Variants in SET observed in about 807,000 individuals in gnomAD.
SET encodes the protein SET nuclear proto-oncogene, also known as protein SET.
A neutral mutation model predicts 39.0 loss-of-function variants in SET; 4 were observed. The observed-to-expected ratio is 0.10, with a 90% CI of 0.05 to 0.23. The LOEUF is 0.23. Ranked by LOEUF, SET falls within the 10% of genes least tolerant of loss-of-function variation. The pLI, the probability that SET is intolerant of heterozygous loss-of-function variation, is 1.00. For synonymous variants in SET, 114 were observed against 115.9 expected (o/e 0.98, Z 0.11); for missense variants, 137 against 329.7 (o/e 0.42, Z 4.53).
upstream of SET, among the ~76,000 whole-genome samples, chr9:128,687,843 G>A (rs972393997): frequency 2.6e-5 from 4 of 152,178 alleles, no homozygotes; most frequent in South Asian, 6.2e-4. Flanking sequence ...TCCTGCCTTG[G>A]CCTCCCAAAG....
chr9:128,695,987 T>G lies in SET; in HGVS notation c.*1323T>G, dbSNP rs192423121. The G allele has an allele frequency of 1.8e-5, 4 of 226,446 alleles. No individual in the cohort carries two copies. Among genetic ancestry groups the G allele is most frequent in the East Asian group, 1.2e-4 (2 of 16,140 alleles). The allele number at this position is 226,446 out of a possible 1,614,324, so 14.0% of individuals were successfully genotyped here. On this transcript the variant is annotated 3_prime_UTR_variant, in exon 8 of 8. Transcript: ENST00000322030. Reference sequence around the variant, plus strand: ...ATAAAATGTGGCCAAGAAGATAGGCTCTCAGTAAGAAGTCTGATGGTGAGC... The same window carrying G: ...ATAAAATGTGGCCAAGAAGATAGGCGCTCAGTAAGAAGTCTGATGGTGAGC...
upstream of SET, among the ~76,000 whole-genome samples, chr9:128,686,615 G>C (rs1185947150): frequency 3.3e-5 from 5 of 152,090 alleles, no homozygotes; most frequent in African/African-American, 4.8e-5. Context: ...CTTGGTAAGG[G>C]TAAGTTTTGG....
chr9:128,684,510 G>A (rs533470821), upstream of SET, among the ~76,000 whole-genome samples: 7 of 152,052 alleles, frequency 4.6e-5, no homozygotes, highest in African/African-American at 1.7e-4. Flanking sequence ...AGCCAATCAC[G>A]TGGCCCACTC....
upstream of SET, among the ~76,000 whole-genome samples, chr9:128,688,901 A>C (rs902415651): frequency 6.6e-6 from 1 of 151,918 alleles, no homozygotes; most frequent in African/African-American, 2.4e-5. Flanking sequence ...TGCCCCGCGG[A>C]GCAGGGAAGC....
intron 2 of SET, 123 bp downstream of exon 2, chr9:128,691,350 AAATACTT>A: frequency 4.4e-6 from 3 of 683,450 alleles, no homozygotes; most frequent in Non-Finnish European, 7.6e-6. Flanking sequence ...ACTTGGTTGG[AAATACTT>A]ATGTAGATTC....
rs182321774 is a variant in SET, at chr9:128,690,943, A to G, written c.74-227A>G. The G allele has an allele frequency of 8.5e-6, 5 of 590,986 alleles. No homozygotes were observed. In the East Asian group the frequency reaches 9.0e-5, roughly 11 times the overall value. The allele number at this position is 590,986 out of a possible 1,614,324, so 36.6% of individuals were successfully genotyped here. On this transcript the variant is annotated intron_variant, in intron 1 of 7. Coordinates refer to ENST00000322030, the MANE Select transcript of SET (RefSeq NM_003011.4). Reference sequence around the variant, plus strand: ...TAGTGAAACTCTTTAAAAAGGCGCTATAGAAAACCAATTTCTGAGTAAACC... The same window carrying G: ...TAGTGAAACTCTTTAAAAAGGCGCTGTAGAAAACCAATTTCTGAGTAAACC...
rs1195340693 is a variant in SET at position 128,695,599 on chromosome 9, C to G, written c.*935C>G. ...GACCTTCCAAGTTTGACTTGTATAA[C>G]ATCACTGTCAAACTTTGTCACCCTA... On this transcript the variant is annotated 3_prime_UTR_variant, in exon 8 of 8. Transcript: ENST00000322030. The G allele has an allele frequency of 4.5e-6, 1 of 224,026 alleles. No individual in the cohort carries two copies. The highest frequency in any genetic ancestry group is 2.2e-5 in the African/African-American group (1 of 44,982). 13.9% of individuals were successfully genotyped at this position (224,026 alleles called of 1,614,324 possible). A position where few individuals can be genotyped will look rare whatever the true frequency, so the allele number is the denominator to read the frequency against.
chr9:128,684,594 T>A (rs2132233245), upstream of SET, among the ~76,000 whole-genome samples: 1 of 151,816 alleles, frequency 6.6e-6, no homozygotes, highest in Non-Finnish European at 1.5e-5. Context: ...GCCAACCCGG[T>A]CCCCGCCGAC....
chr9:128,693,065 T>C (rs1861604207), intron 5 of SET, 84 bp downstream of exon 5: 1 of 865,722 alleles, frequency 1.2e-6, no homozygotes, highest in South Asian at 1.6e-5. Flanking sequence ...CTTGATACTT[T>C]GGTCATGTGG....
At chr9:128,691,669 C>G (rs1861540155) in intron 2 of SET, among the ~76,000 whole-genome samples, 189 bp from the exon 3 acceptor site, 1 of 152,178 alleles carries the variant, frequency 6.6e-6, no homozygotes. Context: ...CATTATTACT[C>G]AGTGTTTATT....
chr9:128,688,399 T>C (rs1362778059), upstream of SET, among the ~76,000 whole-genome samples: 1 of 152,152 alleles, frequency 6.6e-6, no homozygotes, highest in Non-Finnish European at 1.5e-5. Context: ...GCCCCTTTCA[T>C]CTCTATGAAC....
At chr9:128,685,156 C>T, upstream of SET, 1 of 1,586,450 alleles carries the variant, frequency 6.3e-7, no homozygotes, top group Non-Finnish European at 8.6e-7. Context: ...GTCTCAGTCC[C>T]TTTTCCTCCA....
intron 7 of SET, 141 bp from the exon 8 acceptor site, chr9:128,694,500 C>T (rs563396719): frequency 5.3e-5 from 29 of 550,976 alleles, no homozygotes; most frequent in Middle Eastern, 2.9e-4. Flanking sequence ...AACATCATCA[C>T]GGGTGTTTCC....
At chr9:128,694,115 T>TAC (rs1861642804) in intron 7 of SET, 73 bp downstream of exon 7, 2 of 1,320,250 alleles carry the variant, frequency 1.5e-6, no homozygotes, top group East Asian at 5.1e-5. Context: ...TGTATATATA[T>TAC]ATATATAGTG....
upstream of SET, chr9:128,689,183 A>C (rs989048218): frequency 3.5e-6 from 3 of 848,724 alleles, no homozygotes; most frequent in African/African-American, 3.7e-5. Context: ...GAGGCGGAGC[A>C]TCCGCGCGGG....
intron 2 of SET, 55 bp downstream of exon 2, chr9:128,691,282 C>A: frequency 9.1e-7 from 1 of 1,098,248 alleles, no homozygotes; most frequent in Non-Finnish European, 1.4e-6. Context: ...GTCTAATAGC[C>A]CGGTAATTAT....
chr9:128,693,824 C>CA lies in SET; in HGVS notation c.663+17dup. On this transcript the variant is annotated intron_variant, in intron 6 of 7. Transcript: ENST00000322030. ...GTACTACTTGGTGAGTTCTAATACTCATTTATTCAAGGTTGGACTTGTCTC... is the reference window on the plus strand; with the variant it reads ...GTACTACTTGGTGAGTTCTAATACTCAATTTATTCAAGGTTGGACTTGTCTC... 6.2e-7 allele frequency: 1 copy of CA among 1,607,792 alleles called. No individual in the cohort carries two copies. Among genetic ancestry groups the CA allele is most frequent in the Non-Finnish European group, 8.5e-7 (1 of 1,178,004 alleles).
At chr9:128,693,175 A>G (rs1861607459) in intron 5 of SET, among the ~76,000 whole-genome samples, 194 bp downstream of exon 5, 1 of 152,188 alleles carries the variant, frequency 6.6e-6, no homozygotes, top group Non-Finnish European at 1.5e-5. Flanking sequence ...GTAGGCAGGA[A>G]GATCTCTTGA....
At chr9:128,692,513 T>G (rs980298180) in intron 3 of SET, 149 bp from the exon 4 acceptor site, 9 of 593,196 alleles carry the variant, frequency 1.5e-5, no homozygotes, top group African/African-American at 1.3e-4. Context: ...ATAGTGACAG[T>G]CTGATATTGA....
Sources: gnomAD v4.1 joint callset for allele counts (sites outside exome capture counted in the v4.1 genomes callset) on GRCh38, gnomAD v4.1.1 for gene constraint, MANE v1.5 for transcripts, NCBI Gene and HGNC (gene_info 2026-07-23, HGNC 2026-07-21) for gene names.